Variants in LRMDA observed in about 807,000 individuals in gnomAD.
LRMDA encodes leucine-rich melanocyte differentiation-associated protein.
In LRMDA, 18 loss-of-function variants were observed where a neutral mutation model predicts 29.8. The ratio of observed to expected loss-of-function variants is 0.60; its 90% CI spans 0.42 to 0.90. The LOEUF is 0.90. Among genes scored for constraint, LRMDA ranks in the 40% least tolerant of loss-of-function variants. The pLI, the probability that LRMDA is intolerant of heterozygous loss-of-function variation, is 0.00. For missense variants in LRMDA, 273 were observed against 273.9 expected (o/e 1.00, Z 0.02); for synonymous variants, 125 against 109.4 (o/e 1.14, Z -0.89).
chr10:76,455,045 G>A (rs1223776497), intron 6 of LRMDA, among the ~76,000 whole-genome samples: 2 of 152,140 alleles, frequency 1.3e-5, no homozygotes. Flanking sequence ...GCCATTAAAG[G>A]TCATGTTGTC....
chr10:75,903,199 GA>G (rs1845704349), intron 2 of LRMDA, among the ~76,000 whole-genome samples: 1 of 152,172 alleles, frequency 6.6e-6, no homozygotes, highest in South Asian at 2.1e-4. Context: ...ACCATGGAGG[GA>G]AGGTTTTGGT....
At chr10:76,208,338 C>T (rs1386994531) in intron 5 of LRMDA, among the ~76,000 whole-genome samples, 1 of 152,134 alleles carries the variant, frequency 6.6e-6, no homozygotes, top group Non-Finnish European at 1.5e-5. Context: ...GCTCAGTTTG[C>T]CTTTCAAGGG....
intron 2 of LRMDA, among the ~76,000 whole-genome samples, chr10:75,645,460 G>A (rs1387836392): frequency 1.3e-5 from 2 of 152,042 alleles, no homozygotes; most frequent in African/African-American, 4.8e-5. Flanking sequence ...AGAGAGGAGG[G>A]TGGGTTGGTG....
intron 2 of LRMDA, among the ~76,000 whole-genome samples, chr10:75,787,752 G>A (rs1843496990): frequency 6.6e-6 from 1 of 152,216 alleles, no homozygotes; most frequent in African/African-American, 2.4e-5. Flanking sequence ...AATAAGGGGT[G>A]GGCGAGGTGG....
At chr10:76,445,693 A>G (rs1842347787) in intron 6 of LRMDA, among the ~76,000 whole-genome samples, 1 of 152,216 alleles carries the variant, frequency 6.6e-6, no homozygotes, top group Admixed American at 6.5e-5. Context: ...TCCTTGGGTA[A>G]TATCTTATTC....
intron 2 of LRMDA, among the ~76,000 whole-genome samples, chr10:75,580,377 C>T (rs1840571800): frequency 6.6e-6 from 1 of 151,976 alleles, no homozygotes; most frequent in South Asian, 2.1e-4. Context: ...TGTGAAGGAC[C>T]TCTTCGAGAA....
intron 2 of LRMDA, among the ~76,000 whole-genome samples, chr10:75,562,470 C>A (rs1467838941): frequency 6.6e-6 from 1 of 152,044 alleles, no homozygotes; most frequent in Admixed American, 6.6e-5. Flanking sequence ...GCTGATGGGT[C>A]TTGACTCTAT....
At chr10:76,036,826 C>T (rs969514670) in intron 3 of LRMDA, among the ~76,000 whole-genome samples, 7 of 152,138 alleles carry the variant, frequency 4.6e-5, no homozygotes, top group African/African-American at 1.7e-4. Flanking sequence ...ACCCTTGCTG[C>T]AACCTAAGGC....
chr10:75,589,453 C>T (rs548427099), intron 2 of LRMDA, among the ~76,000 whole-genome samples: 1 of 152,018 alleles, frequency 6.6e-6, no homozygotes, highest in East Asian at 1.9e-4. Flanking sequence ...GGGTTTTTGT[C>T]TTTCTAAAAT....
chr10:75,462,902 A>T (rs573343669), intron 2 of LRMDA, among the ~76,000 whole-genome samples: 1 of 152,280 alleles, frequency 6.6e-6, no homozygotes, highest in African/African-American at 2.4e-5. Context: ...TTATATTCCT[A>T]TCTGAGACTG....
chr10:75,522,580 C>T (rs1294055779), intron 2 of LRMDA, among the ~76,000 whole-genome samples: 1 of 152,158 alleles, frequency 6.6e-6, no homozygotes, highest in Non-Finnish European at 1.5e-5. Flanking sequence ...AATGGAAGCA[C>T]AAAGGGATGA....
At chr10:75,519,711 G>C (rs1228665142) in intron 2 of LRMDA, among the ~76,000 whole-genome samples, 1 of 152,174 alleles carries the variant, frequency 6.6e-6, no homozygotes, top group African/African-American at 2.4e-5. Context: ...GTGTGAATTT[G>C]ATCCTGTCAT....
intron 2 of LRMDA, among the ~76,000 whole-genome samples, chr10:76,024,295 C>T (rs1486197727): frequency 2.0e-5 from 3 of 152,196 alleles, no homozygotes; most frequent in Non-Finnish European, 2.9e-5. Context: ...CTCTATGCTG[C>T]ACAACTGGAA....
At chr10:76,092,525 C>G (rs1849246902) in intron 5 of LRMDA, among the ~76,000 whole-genome samples, 1 of 152,230 alleles carries the variant, frequency 6.6e-6, no homozygotes, top group African/African-American at 2.4e-5. Flanking sequence ...CAGAGTGCTG[C>G]AGCAGACTCA....
chr10:75,454,968 C>T (rs575499719), intron 2 of LRMDA, among the ~76,000 whole-genome samples: 26 of 152,328 alleles, frequency 1.7e-4, no homozygotes, highest in Admixed American at 1.3e-3. Flanking sequence ...TTTAACCATA[C>T]ACACCAAGGC....
chr10:76,021,629 G>A (rs1847975589), intron 2 of LRMDA, among the ~76,000 whole-genome samples: 1 of 152,168 alleles, frequency 6.6e-6, no homozygotes, highest in African/African-American at 2.4e-5. Context: ...AATGACATGT[G>A]AGAATATTAA....
At chr10:76,329,704 A>G (rs1331843534) in intron 6 of LRMDA, among the ~76,000 whole-genome samples, 1 of 152,196 alleles carries the variant, frequency 6.6e-6, no homozygotes, top group Non-Finnish European at 1.5e-5. Context: ...ATAGCAACTT[A>G]TTATAATTAG....
chr10:76,049,416 AG>A (rs1848494224), intron 4 of LRMDA, among the ~76,000 whole-genome samples: 1 of 152,248 alleles, frequency 6.6e-6, no homozygotes, highest in Non-Finnish European at 1.5e-5. Context: ...GAACAGCACA[AG>A]GAACAGTAAA....
chr10:76,044,762 T>C (rs1848402429), intron 3 of LRMDA, among the ~76,000 whole-genome samples: 1 of 152,168 alleles, frequency 6.6e-6, no homozygotes. Context: ...GGATGTTATT[T>C]GTGAAAGATT....
Sources: allele counts gnomAD v4.1 joint callset (sites outside exome capture counted in the v4.1 genomes callset), GRCh38; gene constraint gnomAD v4.1.1; transcripts MANE v1.5; gene names NCBI Gene and HGNC (gene_info 2026-07-23, HGNC 2026-07-21).